The following VSIG10 variants were observed in gnomAD, a reference collection of about 807,000 sequenced individuals.
The protein encoded by VSIG10 is V-set and immunoglobulin domain containing 10, also known as V-set and immunoglobulin domain-containing protein 10.
VSIG10 carries 48 observed loss-of-function variants against 58.7 expected under a neutral mutation model. The observed-to-expected ratio is 0.82, with a 90% CI of 0.65 to 1.04. VSIG10 has a LOEUF of 1.04. VSIG10 is among the 50% of genes least tolerant of loss of function. The pLI is 0.00. For synonymous variants in VSIG10, 260 were observed against 267.1 expected (o/e 0.97, Z 0.26); for missense variants, 628 against 670.0 (o/e 0.94, Z 0.69).
chr12:118,103,580 C>A lies in VSIG10; in HGVS notation c.79+13G>T. 1 of 1,518,450 alleles carries A rather than the reference C, an allele frequency of 6.6e-7. No individual in the cohort carries two copies. Among genetic ancestry groups the A allele is most frequent in the Non-Finnish European group, 8.8e-7 (1 of 1,138,614 alleles). 94.1% of individuals were successfully genotyped at this position (1,518,450 alleles called of 1,614,324 possible). On this transcript the variant is annotated intron_variant, in intron 1 of 8. Coordinates refer to ENST00000359236, the MANE Select transcript of VSIG10 (RefSeq NM_019086.6). The stretch of plus-strand genomic sequence containing the variant: ...GAAAACTCAACTTTTCCCTCCAGAT[C>A]GCGGCCCCTTACCTACGGCGACCCA...
At chr12:118,092,883 G>A (rs935932505) in intron 2 of VSIG10, among the ~76,000 whole-genome samples, 5 of 151,920 alleles carry the variant, frequency 3.3e-5, no homozygotes, top group Admixed American at 1.3e-4. Flanking sequence ...TCATCCGTCC[G>A]CCTCAGCCTC....
At chr12:118,076,599 A>C (rs759655825) in intron 4 of VSIG10, among the ~76,000 whole-genome samples, 1 of 151,796 alleles carries the variant, frequency 6.6e-6, no homozygotes, top group Non-Finnish European at 1.5e-5. Flanking sequence ...TTGGCCTCCC[A>C]AAGTGCTGGG....
At chr12:118,100,031 A>G (rs1055569878) in intron 1 of VSIG10, among the ~76,000 whole-genome samples, 4 of 152,252 alleles carry the variant, frequency 2.6e-5, no homozygotes, top group African/African-American at 9.6e-5. Context: ...ATCTAATGAC[A>G]GAGATTCCAA....
Position 118,103,814 on chromosome 12 carries a change from A to AGTG in VSIG10, c.-144_-143insCAC. ...GGCCCCACTTCCTCGGCCCCCAGGA[A>AGTG]GGATGCTTGGCTGAGCCGAGTGTCC... On this transcript the variant is annotated 5_prime_UTR_variant, in exon 1 of 9. Transcript: ENST00000359236. 1 of 796,036 alleles carries AGTG rather than the reference A, an allele frequency of 1.3e-6. No individual in the cohort carries two copies. The highest frequency in any genetic ancestry group is 2.3e-5 in the South Asian group (1 of 42,700). The allele number at this position is 796,036 out of a possible 1,614,324, so 49.3% of individuals were successfully genotyped here.
Position 118,095,463 on chromosome 12 carries a change from T to C in VSIG10, c.361+70A>G. 5 of 1,578,998 alleles carry C rather than the reference T, an allele frequency of 3.2e-6. No homozygotes were observed. The South Asian group carries it at 5.9e-5, about 18-fold the overall frequency. On this transcript the variant is annotated intron_variant, in intron 2 of 8. Transcript: ENST00000359236. ...CATCCGAACCCAAAACCCATATTCCTGACCATGGTCTCCTCCTTTCCAAGG... is the reference window on the plus strand; with the variant it reads ...CATCCGAACCCAAAACCCATATTCCCGACCATGGTCTCCTCCTTTCCAAGG...
chr12:118,069,783 G>A (rs534963442), intron 7 of VSIG10, among the ~76,000 whole-genome samples: 5 of 152,278 alleles, frequency 3.3e-5, no homozygotes, highest in South Asian at 2.1e-4. Context: ...TCACCTGCCC[G>A]AGGAGCTGTG....
chr12:118,100,590 C>A (rs1358633309), intron 1 of VSIG10, among the ~76,000 whole-genome samples: 1 of 152,030 alleles, frequency 6.6e-6, no homozygotes, highest in Admixed American at 6.6e-5. Context: ...GAGTGCAAGG[C>A]GTAATTTCGG....
Position 118,065,524 on chromosome 12 carries a change from C to T in VSIG10, c.*1115G>A, listed in dbSNP as rs778240257. Reference sequence around the variant, plus strand: ...TAGTTCCTTCATCCAAGAAAACAGACCTTCCCCAACCACACCTGCAGGGTT... The same window carrying T: ...TAGTTCCTTCATCCAAGAAAACAGATCTTCCCCAACCACACCTGCAGGGTT... On this transcript the variant is annotated 3_prime_UTR_variant, in exon 9 of 9. Coordinates refer to ENST00000359236, the MANE Select transcript of VSIG10 (RefSeq NM_019086.6). The T allele has an allele frequency of 6.6e-6, 1 of 152,206 alleles. No individual in the cohort carries two copies. Among genetic ancestry groups the T allele is most frequent in the Non-Finnish European group, 1.5e-5 (1 of 68,052 alleles). 9.4% of individuals were successfully genotyped at this position (152,206 alleles called of 1,614,324 possible).
chr12:118,080,329 A>AT (rs1009025893), intron 3 of VSIG10, among the ~76,000 whole-genome samples: 24 of 105,446 alleles, frequency 2.3e-4, no homozygotes, highest in African/African-American at 6.1e-4. Context: ...TTATTTTTTC[A>AT]TTTTTTTTTT....
At chr12:118,084,715 C>T (rs2137909667) in intron 2 of VSIG10, among the ~76,000 whole-genome samples, 1 of 152,250 alleles carries the variant, frequency 6.6e-6, no homozygotes, top group African/African-American at 2.4e-5. Context: ...CCCATCTCTA[C>T]TAAAAATACA....
At chr12:118,102,032 G>A (rs2033635144) in intron 1 of VSIG10, 1 of 152,292 alleles carries the variant, frequency 6.6e-6, no homozygotes, top group African/African-American at 2.4e-5. Context: ...CCAGCTACTT[G>A]TAGGCTGAGG....
rs2032254471 is a variant in VSIG10 at position 118,066,603 on chromosome 12, C to A, written c.*36G>T. On this transcript the variant is annotated 3_prime_UTR_variant, in exon 9 of 9. Coordinates refer to ENST00000359236, the MANE Select transcript of VSIG10 (RefSeq NM_019086.6). ...CTCGTCTTCAATGTAGCTCTCCAAG[C>A]TTTCAGAGCAAGACAACCATGGACC... 1.2e-6 allele frequency: 2 copies of A among 1,612,436 alleles called. No individual in the cohort carries two copies. Among genetic ancestry groups the A allele is most frequent in the South Asian group, 2.2e-5 (2 of 91,066 alleles).
At chr12:118,094,447 G>A (rs967494455) in intron 2 of VSIG10, among the ~76,000 whole-genome samples, 1 of 151,918 alleles carries the variant, frequency 6.6e-6, no homozygotes, top group Non-Finnish European at 1.5e-5. Context: ...GCAGTGGCAC[G>A]ATCTCGGCTC....
chr12:118,064,359 ATGTG>A lies in VSIG10; in HGVS notation c.*2276_*2279del, dbSNP rs2032176392. The A allele has an allele frequency of 6.6e-6, 1 of 151,816 alleles. No individual in the cohort carries two copies. Among genetic ancestry groups the A allele is most frequent in the Non-Finnish European group, 1.5e-5 (1 of 67,990 alleles). 9.4% of individuals were successfully genotyped at this position (151,816 alleles called of 1,614,324 possible). ...ACCCTCAAATATTTCCTATCAACAG[ATGTG>A]TGTGCTAGAGAAGAGGAAGTTGTGG... is the stretch of plus-strand genomic sequence containing the variant. On this transcript the variant is annotated 3_prime_UTR_variant, in exon 9 of 9. Coordinates refer to ENST00000359236, the MANE Select transcript of VSIG10 (RefSeq NM_019086.6).
At chr12:118,096,300 CG>C (rs2033453022) in intron 1 of VSIG10, among the ~76,000 whole-genome samples, 1 of 148,800 alleles carries the variant, frequency 6.7e-6, no homozygotes, top group Non-Finnish European at 1.5e-5. Context: ...AAATTGTGGC[CG>C]GGCATGGTGG....
intron 2 of VSIG10, among the ~76,000 whole-genome samples, chr12:118,088,242 A>T (rs970697502): frequency 3.1e-5 from 4 of 128,386 alleles, no homozygotes; most frequent in African/African-American, 1.5e-4. Context: ...GTGTCTCAGA[A>T]AAAAAAAAAA....
At chr12:118,080,954 T>C (rs7958110) in intron 3 of VSIG10, among the ~76,000 whole-genome samples, 66,549 of 151,904 alleles carry the variant, frequency 0.44, 14,901 homozygotes, top group East Asian at 0.59. Flanking sequence ...AAAAATGTTT[T>C]GGAGGGCCAG....
intron 7 of VSIG10, 152 bp downstream of exon 7, chr12:118,070,897 TAAG>T (rs2032464079): frequency 1.1e-6 from 1 of 897,518 alleles, no homozygotes; most frequent in Non-Finnish European, 1.8e-6. Context: ...AAAGGGTTTA[TAAG>T]AATACCTGAT....
chr12:118,070,214 G>C (rs1473916134), intron 7 of VSIG10, among the ~76,000 whole-genome samples: 3 of 151,944 alleles, frequency 2.0e-5, no homozygotes, highest in African/African-American at 7.2e-5. Context: ...GTTTCCTTTT[G>C]GGAGGGGGTT....
Sources: gnomAD v4.1 joint callset for allele counts (sites outside exome capture counted in the v4.1 genomes callset) on GRCh38, gnomAD v4.1.1 for gene constraint, MANE v1.5 for transcripts, NCBI Gene and HGNC (gene_info 2026-07-23, HGNC 2026-07-21) for gene names.